STRN: variants seen among roughly 807,000 people sequenced by gnomAD.
STRN encodes protein phosphatase 2 regulatory subunit B'''alpha.
STRN carries 53 observed loss-of-function variants against 96.3 expected under a neutral mutation model. The observed-to-expected ratio is 0.55, with a 90% CI of 0.44 to 0.69. STRN has a LOEUF of 0.69. STRN is among the 30% of genes least tolerant of loss of function. The probability of loss-of-function intolerance (pLI) is 0.00; values close to 1 mark genes in which losing one functional copy is unlikely to be tolerated. For synonymous variants in STRN, 428 were observed against 355.9 expected, an observed-to-expected ratio of 1.20 and a Z score of -2.28; for missense variants, 987 against 963.9, an observed-to-expected ratio of 1.02 and a Z score of -0.32.
chr2:36,947,059 C>T (rs1168029782), intron 1 of STRN, among the ~76,000 whole-genome samples: 1 of 152,032 alleles, frequency 6.6e-6, no homozygotes, highest in Non-Finnish European at 1.5e-5. Context: ...CCAGGCCTGG[C>T]TAATTTTTTT....
At chr2:36,943,548 T>TA (rs1173070843) in intron 1 of STRN, among the ~76,000 whole-genome samples, 1 of 152,142 alleles carries the variant, frequency 6.6e-6, no homozygotes, top group Non-Finnish European at 1.5e-5. Flanking sequence ...CTCACACTTG[T>TA]AATCCCAGCA....
intron 1 of STRN, among the ~76,000 whole-genome samples, chr2:36,941,833 G>A (rs867326570): frequency 3.9e-5 from 6 of 151,982 alleles, no homozygotes; most frequent in Middle Eastern, 3.4e-3. Context: ...GATTACAGGC[G>A]TGAGCCACCG....
At chr2:36,957,534 G>A (rs1266284143) in intron 1 of STRN, among the ~76,000 whole-genome samples, 1 of 151,946 alleles carries the variant, frequency 6.6e-6, no homozygotes, top group Non-Finnish European at 1.5e-5. Flanking sequence ...GTTGCAGTAA[G>A]CCAAGATCAC....
At chr2:36,867,041 A>G (rs1317370863) in intron 12 of STRN, among the ~76,000 whole-genome samples, 6 of 152,274 alleles carry the variant, frequency 3.9e-5, no homozygotes, top group Admixed American at 3.9e-4. Flanking sequence ...GTTAACACTG[A>G]TATGTGCCCA....
chr2:36,862,019 G>A (rs1199569336), intron 12 of STRN, among the ~76,000 whole-genome samples: 1 of 152,098 alleles, frequency 6.6e-6, no homozygotes, highest in African/African-American at 2.4e-5. Flanking sequence ...GTGAGAACAT[G>A]CAGTATTTGG....
intron 1 of STRN, among the ~76,000 whole-genome samples, chr2:36,950,815 C>T (rs1165619566): frequency 3.9e-5 from 6 of 152,162 alleles, no homozygotes; most frequent in Non-Finnish European, 8.8e-5. Context: ...TTCTCACTTA[C>T]TTGGCTAGCT....
chr2:36,850,369 C>A (rs563983383), intron 16 of STRN, among the ~76,000 whole-genome samples: 40 of 152,290 alleles, frequency 2.6e-4, no homozygotes, highest in African/African-American at 8.9e-4. Flanking sequence ...GCTTTCCTCC[C>A]AGCACAGTGC....
chr2:36,951,410 TAAAA>T (rs1664749506), intron 1 of STRN, among the ~76,000 whole-genome samples: 1 of 152,194 alleles, frequency 6.6e-6, no homozygotes, highest in African/African-American at 2.4e-5. Context: ...TTTGCTGCAC[TAAAA>T]AGCTCTTTCC....
intron 1 of STRN, among the ~76,000 whole-genome samples, chr2:36,945,530 G>A (rs377119929): frequency 4.6e-5 from 7 of 152,224 alleles, no homozygotes; most frequent in Middle Eastern, 6.8e-3. Flanking sequence ...AGCTGGGTGT[G>A]GTGGCATGCA....
At chr2:36,923,445 C>CAAAAAA (rs1200328345) in intron 2 of STRN, among the ~76,000 whole-genome samples, 1 of 58,514 alleles carries the variant, frequency 1.7e-5, no homozygotes, top group Non-Finnish European at 3.7e-5. Flanking sequence ...AGCAGGACTC[C>CAAAAAA]AAAAAAAAAA....
chr2:36,908,863 C>T (rs1669891482), intron 3 of STRN, among the ~76,000 whole-genome samples: 1 of 151,972 alleles, frequency 6.6e-6, no homozygotes, highest in African/African-American at 2.4e-5. Context: ...TGCCTGTAAT[C>T]CCAACTACTC....
intron 9 of STRN, among the ~76,000 whole-genome samples, chr2:36,881,014 G>C (rs1669054758): frequency 6.6e-6 from 1 of 151,534 alleles, no homozygotes; most frequent in Admixed American, 6.6e-5. Flanking sequence ...TAAGACTATA[G>C]GTCACGTTTC....
intron 4 of STRN, among the ~76,000 whole-genome samples, chr2:36,903,581 A>G (rs10490659): frequency 0.055 from 8,317 of 152,292 alleles, 388 homozygotes; most frequent in East Asian, 0.12. Context: ...AACATCGGAC[A>G]TTAACTTATA....
chr2:36,939,539 C>CTTATTA (rs761423690), intron 1 of STRN, among the ~76,000 whole-genome samples: 2 of 151,388 alleles, frequency 1.3e-5, no homozygotes, highest in South Asian at 2.1e-4. Context: ...CTATTCTTTC[C>CTTATTA]TTATTATTAT....
At chr2:36,922,973 T>C (rs1362815266) in intron 2 of STRN, among the ~76,000 whole-genome samples, 2 of 151,432 alleles carry the variant, frequency 1.3e-5, no homozygotes, top group African/African-American at 4.9e-5. Flanking sequence ...GAAACCCCGT[T>C]TCTACTGAAA....
At chr2:36,893,774 G>C (rs946830337) in intron 7 of STRN, 124 bp downstream of exon 7, 3 of 1,162,470 alleles carry the variant, frequency 2.6e-6, no homozygotes, top group African/African-American at 1.6e-5. Context: ...AAGGGTGCTA[G>C]TAGTAATAAG....
At position 36,841,016 on chromosome 2, in the gene STRN, C is replaced by G. The variant is rs1401763801; in HGVS notation, c.*8440G>C. 1 of 152,130 alleles carries G rather than the reference C, an allele frequency of 6.6e-6. No homozygotes were observed. Among genetic ancestry groups the G allele is most frequent in the Non-Finnish European group, 1.5e-5 (1 of 68,018 alleles). 9.4% of individuals were successfully genotyped at this position (152,130 alleles called of 1,614,324 possible). A position where few individuals can be genotyped will look rare whatever the true frequency, so the allele number is the denominator to read the frequency against. On this transcript the variant is annotated 3_prime_UTR_variant, in exon 18 of 18. Coordinates refer to ENST00000263918, the MANE Select transcript of STRN (RefSeq NM_003162.4). ...CTATCAATTGGACACCTCAAGGGCA[C>G]AAAATTGCCTGGAACTACAACCTTC...
At position 36,956,495 on chromosome 2, in the gene STRN, A is replaced by C. The variant is rs1384237324; in HGVS notation, c.234+9735T>G. Among the ~76,000 whole-genome samples, 2 of 152,212 alleles carry C rather than the reference A, an allele frequency of 1.3e-5. 1 individual carries two copies. Among genetic ancestry groups the C allele is most frequent in the Non-Finnish European group, 2.9e-5 (2 of 68,044 alleles). Reference sequence around the variant, plus strand: ...CCGAGGCAAGAAACGCCAAAGATCCAAGGACAATTTTATTTCTAATGGCCC... The same window carrying C: ...CCGAGGCAAGAAACGCCAAAGATCCCAGGACAATTTTATTTCTAATGGCCC... On this transcript the variant is annotated intron_variant, in intron 1 of 17. Coordinates refer to ENST00000263918, the MANE Select transcript of STRN (RefSeq NM_003162.4).
chr2:36,966,411 G>C lies in STRN; in HGVS notation c.53C>G (p.Ala18Gly). 1 of 1,459,804 alleles carries C rather than the reference G, an allele frequency of 6.9e-7. No homozygotes were observed. Among genetic ancestry groups the C allele is most frequent in the Non-Finnish European group, 9.0e-7 (1 of 1,106,968 alleles). 90.4% of individuals were successfully genotyped at this position (1,459,804 alleles called of 1,614,324 possible). Reference protein sequence around the residue: ...GVFFSNNHPGAGGAKGLGPLA... With the variant: ...GVFFSNNHPGGGGAKGLGPLA... ...AGGCCCGAGCCCCTTGGCACCGCCGGCGCCCGGGTGGTTGTTGCTGAAGAA... is the reference window on the plus strand; with the variant it reads ...AGGCCCGAGCCCCTTGGCACCGCCGCCGCCCGGGTGGTTGTTGCTGAAGAA... The change falls in exon 1 of 18, where the codon GCC becomes GGC. Residue 18 changes from alanine to glycine, a missense_variant. Ala to Gly is a moderately conservative substitution (Grantham distance 60). Coordinates refer to ENST00000263918, the MANE Select transcript of STRN (RefSeq NM_003162.4).
Sources: gnomAD v4.1 joint callset for allele counts (sites outside exome capture counted in the v4.1 genomes callset) on GRCh38, gnomAD v4.1.1 for gene constraint, MANE v1.5 for transcripts, NCBI Gene and HGNC (gene_info 2026-07-23, HGNC 2026-07-21) for gene names.